The following UBE2V2 variants were observed in gnomAD, a reference collection of about 807,000 sequenced individuals.
UBE2V2 encodes ubiquitin-conjugating enzyme E2 variant 2.
A neutral mutation model predicts 17.2 loss-of-function variants in UBE2V2; 9 were observed. The observed-to-expected ratio is 0.52, with a 90% CI of 0.32 to 0.91. UBE2V2 has a LOEUF of 0.91. Among genes scored for constraint, UBE2V2 ranks in the 40% least tolerant of loss-of-function variants. The pLI is 0.04. For synonymous variants in UBE2V2, 61 were observed against 57.5 expected, an observed-to-expected ratio of 1.06 and a Z score of -0.28; for missense variants, 133 against 182.6, an observed-to-expected ratio of 0.73 and a Z score of 1.56.
chr8:48,001,566 T>G, the UBE2V2 span, among the ~76,000 whole-genome samples: 1 of 152,072 alleles, frequency 6.6e-6, no homozygotes, highest in Non-Finnish European at 1.5e-5. Context: ...GCCACTGCAC[T>G]CCAGGCTGGG....
At chr8:48,021,464 G>A (rs1379079548) in intron 1 of UBE2V2, among the ~76,000 whole-genome samples, 2 of 151,648 alleles carry the variant, frequency 1.3e-5, no homozygotes, top group Non-Finnish European at 2.9e-5. Flanking sequence ...CCACCACCAC[G>A]CCCGGCTAAT....
chr8:48,049,772 TC>T, intron 2 of UBE2V2, 80 bp from the exon 3 acceptor site: 3 of 1,323,408 alleles, frequency 2.3e-6, no homozygotes, highest in Non-Finnish European at 2.1e-6. Flanking sequence ...TATTGTACTT[TC>T]CCTTTTTTTT....
chr8:48,025,606 T>A lies in UBE2V2; in HGVS notation c.16+17136T>A, dbSNP rs373350660. ...ATCTGGATTTTCTTTTTTTTTTCTT[T>A]CTTTTTTTTTTGAGATGGAGTCTTG... On this transcript the variant is annotated intron_variant, in intron 1 of 3. Coordinates refer to ENST00000523111, the MANE Select transcript of UBE2V2 (RefSeq NM_003350.3). 3.8e-4 allele frequency among the ~76,000 whole-genome samples: 57 copies of A among 148,984 alleles called. 1 individual carries two copies. The South Asian group carries it at 5.3e-3, about 14-fold the overall frequency.
chr8:48,043,971 C>A (rs1442207946), intron 2 of UBE2V2, among the ~76,000 whole-genome samples: 1 of 151,216 alleles, frequency 6.6e-6, no homozygotes, highest in Non-Finnish European at 1.5e-5. Flanking sequence ...TGGTCCCATC[C>A]ACTGCACTCC....
chr8:48,060,209 CA>C (rs557515958), intron 3 of UBE2V2, among the ~76,000 whole-genome samples: 8,094 of 44,006 alleles, frequency 0.18, 162 homozygotes, highest in African/African-American at 0.31. Context: ...GACTCTGTCT[CA>C]AAAAAAAAAA....
upstream of UBE2V2, among the ~76,000 whole-genome samples, chr8:48,006,505 A>G (rs1303886305): frequency 1.3e-5 from 2 of 152,096 alleles, no homozygotes; most frequent in African/African-American, 4.8e-5. Flanking sequence ...ACGTGGGCTC[A>G]ATACCCCTGA....
At chr8:48,054,153 T>C (rs2091557425) in intron 3 of UBE2V2, among the ~76,000 whole-genome samples, 1 of 152,216 alleles carries the variant, frequency 6.6e-6, no homozygotes, top group Admixed American at 6.5e-5. Flanking sequence ...CAGATTGCTA[T>C]AAAACTTTCT....
chr8:48,008,341 C>G (rs950875885), upstream of UBE2V2: 18 of 1,363,758 alleles, frequency 1.3e-5, no homozygotes, highest in Non-Finnish European at 1.7e-5. Context: ...CGGGTCGCCC[C>G]GCGCCCGCCG....
At chr8:48,001,902 C>G in the UBE2V2 span, among the ~76,000 whole-genome samples, 1 of 152,106 alleles carries the variant, frequency 6.6e-6, no homozygotes, top group African/African-American at 2.4e-5. Flanking sequence ...CCAGCCTGAC[C>G]AACATAGTGA....
At chr8:48,036,365 A>G (rs987848065) in intron 1 of UBE2V2, among the ~76,000 whole-genome samples, 3 of 152,126 alleles carry the variant, frequency 2.0e-5, no homozygotes, top group Non-Finnish European at 4.4e-5. Context: ...TTCACTTACT[A>G]GTGGGAGGAA....
chr8:48,010,804 T>G (rs955746549), intron 1 of UBE2V2, among the ~76,000 whole-genome samples: 3 of 151,136 alleles, frequency 2.0e-5, no homozygotes, highest in Non-Finnish European at 4.4e-5. Context: ...TTCAAGCAAT[T>G]CCTCTGCCTC....
chr8:48,029,144 G>T (rs972281326), intron 1 of UBE2V2, among the ~76,000 whole-genome samples: 2 of 151,672 alleles, frequency 1.3e-5, no homozygotes, highest in African/African-American at 4.8e-5. Context: ...CCTGGGCAAC[G>T]TACCGAGATC....
intron 3 of UBE2V2, among the ~76,000 whole-genome samples, chr8:48,054,744 C>T (rs2091560886): frequency 6.6e-6 from 1 of 152,156 alleles, no homozygotes; most frequent in Non-Finnish European, 1.5e-5. Context: ...AAGTTATTCC[C>T]TGTGGGTGGT....
At chr8:48,034,969 C>A in intron 1 of UBE2V2, 1 of 973,036 alleles carries the variant, frequency 1.0e-6, no homozygotes, top group Non-Finnish European at 1.2e-6. Flanking sequence ...TTAGGACTTC[C>A]TCACATCCCG....
At chr8:48,003,036 C>T in the UBE2V2 span, among the ~76,000 whole-genome samples, 1 of 151,900 alleles carries the variant, frequency 6.6e-6, no homozygotes, top group Non-Finnish European at 1.5e-5. Flanking sequence ...ATGGTGAAAC[C>T]CCGTCTCTGC....
intron 1 of UBE2V2, among the ~76,000 whole-genome samples, chr8:48,033,261 A>C (rs2091396584): frequency 6.6e-6 from 1 of 151,564 alleles, no homozygotes; most frequent in Non-Finnish European, 1.5e-5. Context: ...ATGTCAGCTC[A>C]CTGCAACCTC....
At chr8:48,012,552 CT>C (rs2091240171) in intron 1 of UBE2V2, among the ~76,000 whole-genome samples, 1 of 151,916 alleles carries the variant, frequency 6.6e-6, no homozygotes, top group Non-Finnish European at 1.5e-5. Flanking sequence ...AACCATGTCT[CT>C]ACTAAAAATA....
upstream of UBE2V2, among the ~76,000 whole-genome samples, chr8:48,006,625 G>C (rs1484347048): frequency 6.6e-6 from 1 of 151,820 alleles, no homozygotes; most frequent in Non-Finnish European, 1.5e-5. Context: ...GGGATGCAAG[G>C]CTGCTTCAAC....
chr8:48,040,880 T>G (rs934665448), intron 1 of UBE2V2, among the ~76,000 whole-genome samples: 2 of 134,254 alleles, frequency 1.5e-5, no homozygotes, highest in South Asian at 2.4e-4. Flanking sequence ...TGTGTGTGTG[T>G]GTGAGACAGA....
Sources: allele counts gnomAD v4.1 joint callset (sites outside exome capture counted in the v4.1 genomes callset), GRCh38; gene constraint gnomAD v4.1.1; transcripts MANE v1.5; gene names NCBI Gene and HGNC (gene_info 2026-07-23, HGNC 2026-07-21).